TET2: variants seen among roughly 807,000 people sequenced by gnomAD.
TET2 encodes tet methylcytosine dioxygenase 2, also known as methylcytosine dioxygenase TET2.
Under a neutral mutation model 142.9 loss-of-function variants are expected in TET2, and 299 were observed. That is an observed-to-expected ratio of 2.09 (90% confidence interval 1.90 to 2.30). The LOEUF is 2.30. Ranked by LOEUF, TET2 falls within the 30% of genes most tolerant of loss-of-function variation. The pLI is 0.00. For synonymous variants in TET2, 819 were observed against 849.0 expected, an observed-to-expected ratio of 0.96 and a Z score of 0.61; for missense variants, 2,418 against 2,378.0, an observed-to-expected ratio of 1.02 and a Z score of -0.35.
rs1414799218 is a variant in TET2 at position 105,278,666 on chromosome 4, C to A, written c.*2147C>A. ...AACTAATTTTGTAAATCTGTTGGCT[C>A]TTTTTATTGTAAAGAAAAGCATTTT... On this transcript the variant is annotated 3_prime_UTR_variant, in exon 11 of 11. Transcript: ENST00000380013. 4.3e-6 allele frequency: 1 copy of A among 232,120 alleles called. No homozygotes were observed. The highest frequency in any genetic ancestry group is 2.2e-5 in the African/African-American group (1 of 45,118). The allele number at this position is 232,120 out of a possible 1,614,324, so 14.4% of individuals were successfully genotyped here. A position where few individuals can be genotyped will look rare whatever the true frequency, so the allele number is the denominator to read the frequency against.
At chr4:105,246,052 T>C (rs537737966) in intron 6 of TET2, among the ~76,000 whole-genome samples, 1 of 152,260 alleles carries the variant, frequency 6.6e-6, no homozygotes, top group Admixed American at 6.5e-5. Context: ...TGCCACAGCC[T>C]CCCGAGTAGC....
chr4:105,214,516 G>A lies in TET2; in HGVS notation c.-46-19381G>A, dbSNP rs1578633683. 2.7e-5 allele frequency among the ~76,000 whole-genome samples: 3 copies of A among 109,694 alleles called. No individual in the cohort carries two copies. In the South Asian group the frequency reaches 8.7e-4, roughly 32 times the overall value. The allele number at this position is 109,694 out of a possible 152,430, so 72.0% of individuals were successfully genotyped here. A position where few individuals can be genotyped will look rare whatever the true frequency, so the allele number is the denominator to read the frequency against. The stretch of plus-strand genomic sequence containing the variant: ...TTTTGTAGAGAGGTTTCGCCATGTT[G>A]CCCAGTCTGGCCTCCAGCTCCTGGG... On this transcript the variant is annotated intron_variant, in intron 2 of 10. Coordinates refer to ENST00000380013, the MANE Select transcript of TET2 (RefSeq NM_001127208.3).
intron 1 of TET2, among the ~76,000 whole-genome samples, chr4:105,152,199 C>G (rs1013095454): frequency 6.6e-6 from 1 of 152,120 alleles, no homozygotes; most frequent in Non-Finnish European, 1.5e-5. Context: ...ATTGCTTGAA[C>G]CCTCCCGGGA....
At chr4:105,266,413 A>T (rs1029528044) in intron 8 of TET2, among the ~76,000 whole-genome samples, 38 of 152,322 alleles carry the variant, frequency 2.5e-4, no homozygotes, top group Non-Finnish European at 3.5e-4. Flanking sequence ...TACAAGGCAT[A>T]CAAAGAAAAA....
chr4:105,227,454 T>C (rs1341379374), intron 2 of TET2, among the ~76,000 whole-genome samples: 1 of 152,214 alleles, frequency 6.6e-6, no homozygotes, highest in Non-Finnish European at 1.5e-5. Flanking sequence ...GAATCTTATT[T>C]GGCATGGACT....
intron 6 of TET2, among the ~76,000 whole-genome samples, chr4:105,250,380 AT>A (rs59695275): frequency 5.8e-3 from 352 of 60,268 alleles, no homozygotes; most frequent in East Asian, 0.035. Context: ...TCCTTTCTGG[AT>A]TTTTTTTTTT....
In TET2 at chr4:105,276,712, T is replaced by G. The variant is rs1482554964; in HGVS notation, c.*193T>G. ...TTAATTTTCACTGGCTCCCAAGTGG[T>G]CACAGATGGCATCTAGGAAAAGACC... On this transcript the variant is annotated 3_prime_UTR_variant, in exon 11 of 11. Transcript: ENST00000380013. 6.8e-6 allele frequency: 4 copies of G among 584,756 alleles called. No homozygotes were observed. The highest frequency in any genetic ancestry group is 1.1e-5 in the Non-Finnish European group (4 of 350,824). The allele number at this position is 584,756 out of a possible 1,614,324, so 36.2% of individuals were successfully genotyped here. A position where few individuals can be genotyped will look rare whatever the true frequency, so the allele number is the denominator to read the frequency against.
In TET2 at chr4:105,236,927, A is replaced by C. The variant is rs1728967814; in HGVS notation, c.2985A>C (p.Thr995=). 1 of 1,614,030 alleles carries C rather than the reference A, an allele frequency of 6.2e-7. No homozygotes were observed. Among genetic ancestry groups the C allele is most frequent in the South Asian group, 1.1e-5 (1 of 91,092 alleles). The stretch of plus-strand genomic sequence containing the variant: ...GCAAGCCACATGCCTGTATGCACAC[A>C]GCACCACCAGAAAACAAAACATGGA... ...PGCKPHACMH[T]APPENKTWKK... is the part of the protein sequence containing the mutation. Residue 995 remains threonine (T), a synonymous_variant, in exon 3 of 11, where the codon ACA becomes ACC. Coordinates refer to ENST00000380013, the MANE Select transcript of TET2 (RefSeq NM_001127208.3).
intron 1 of TET2, among the ~76,000 whole-genome samples, chr4:105,181,682 A>C (rs544117131): frequency 6.6e-6 from 1 of 152,232 alleles, no homozygotes; most frequent in Non-Finnish European, 1.5e-5. Flanking sequence ...ATGCTTATTC[A>C]TAGGCAATCA....
intron 3 of TET2, 118 bp downstream of exon 3, chr4:105,237,469 G>A: frequency 6.2e-7 from 1 of 1,610,506 alleles, no homozygotes; most frequent in Non-Finnish European, 8.5e-7. Flanking sequence ...ATTTGTAAAG[G>A]CTCATAAAAA....
At chr4:105,242,674 C>T (rs1729367674) in intron 4 of TET2, 160 bp from the exon 5 acceptor site, 1 of 1,376,032 alleles carries the variant, frequency 7.3e-7, no homozygotes, top group Non-Finnish European at 9.4e-7. Flanking sequence ...AAACCATTAT[C>T]CAGTTTGCTT....
chr4:105,204,177 G>A (rs1443864253), intron 2 of TET2, among the ~76,000 whole-genome samples: 4 of 149,430 alleles, frequency 2.7e-5, no homozygotes, highest in African/African-American at 7.4e-5. Flanking sequence ...CAGCCTGGGC[G>A]ACGGAGTGAG....
chr4:105,198,791 C>CA (rs1453887248), intron 2 of TET2, among the ~76,000 whole-genome samples: 3 of 152,190 alleles, frequency 2.0e-5, no homozygotes, highest in African/African-American at 7.2e-5. Flanking sequence ...TTTGGGAACT[C>CA]ACTGATCTGG....
intron 2 of TET2, among the ~76,000 whole-genome samples, chr4:105,211,741 A>G (rs1727175509): frequency 6.6e-6 from 1 of 152,212 alleles, no homozygotes; most frequent in Admixed American, 6.5e-5. Flanking sequence ...ATGGAGGCAT[A>G]GAGGCATAGA....
chr4:105,264,564 AG>A (rs1421498523), intron 8 of TET2, among the ~76,000 whole-genome samples: 1 of 152,220 alleles, frequency 6.6e-6, no homozygotes, highest in African/African-American at 2.4e-5. Context: ...CAAAATATGA[AG>A]CCATCAAATA....
chr4:105,184,347 C>G (rs953723495), intron 1 of TET2, among the ~76,000 whole-genome samples: 5 of 152,108 alleles, frequency 3.3e-5, no homozygotes, highest in Admixed American at 2.0e-4. Context: ...CTTAAATAAT[C>G]ACTTTGTATA....
intron 6 of TET2, among the ~76,000 whole-genome samples, chr4:105,253,373 T>G (rs1216010680): frequency 1.3e-5 from 2 of 152,080 alleles, no homozygotes; most frequent in African/African-American, 4.8e-5. Context: ...TTTCCCCATA[T>G]AGACCATGTA....
At chr4:105,239,633 G>T in intron 3 of TET2, 1 of 239,584 alleles carries the variant, frequency 4.2e-6, no homozygotes. Flanking sequence ...TGGCTGACGT[G>T]ATCTTCTATC....
intron 2 of TET2, among the ~76,000 whole-genome samples, chr4:105,193,041 A>AAATATTTACT (rs1354842891): frequency 6.6e-6 from 1 of 152,204 alleles, no homozygotes; most frequent in Non-Finnish European, 1.5e-5. Flanking sequence ...ATACATCAGT[A>AAATATTTACT]AATATTTACA....
Sources: gnomAD v4.1 joint callset for allele counts (sites outside exome capture counted in the v4.1 genomes callset) on GRCh38, gnomAD v4.1.1 for gene constraint, MANE v1.5 for transcripts, NCBI Gene and HGNC (gene_info 2026-07-23, HGNC 2026-07-21) for gene names.